The following CNTN4 variants were observed in gnomAD, a reference collection of about 807,000 sequenced individuals.
The protein encoded by CNTN4 is contactin 4, also known as contactin-4.
In CNTN4, 77 loss-of-function variants were observed where a neutral mutation model predicts 122.5. The ratio of observed to expected loss-of-function variants is 0.63; its 90% CI spans 0.52 to 0.76. The LOEUF is 0.76. Ranked by LOEUF, CNTN4 falls within the 30% of genes least tolerant of loss-of-function variation. The pLI, the probability that CNTN4 is intolerant of heterozygous loss-of-function variation, is 0.00. For synonymous variants in CNTN4, 512 were observed against 447.0 expected (o/e 1.15, Z -1.83); for missense variants, 1,256 against 1,259.1 (o/e 1.00, Z 0.04).
chr3:2,344,256 C>T (rs1206329422), intron 3 of CNTN4, among the ~76,000 whole-genome samples: 3 of 151,736 alleles, frequency 2.0e-5, no homozygotes, highest in African/African-American at 7.3e-5. Flanking sequence ...GACCTGACTG[C>T]CAAGGCCAAA....
chr3:2,384,664 G>C (rs1273682281), intron 3 of CNTN4, among the ~76,000 whole-genome samples: 1 of 151,926 alleles, frequency 6.6e-6, no homozygotes, highest in Non-Finnish European at 1.5e-5. Flanking sequence ...ACCTGAATAG[G>C]ACTCTCACAT....
chr3:2,141,289 C>T (rs2034982650), intron 2 of CNTN4, among the ~76,000 whole-genome samples: 1 of 152,098 alleles, frequency 6.6e-6, no homozygotes, highest in South Asian at 2.1e-4. Flanking sequence ...TCTGGATTAT[C>T]CTAGTGGACC....
chr3:2,277,386 A>G (rs1242374657), intron 2 of CNTN4, among the ~76,000 whole-genome samples: 2 of 152,286 alleles, frequency 1.3e-5, no homozygotes, highest in Non-Finnish European at 2.9e-5. Flanking sequence ...ACTGTTGCTT[A>G]GTTTTAAATA....
intron 3 of CNTN4, among the ~76,000 whole-genome samples, chr3:2,473,941 G>A (rs2075766706): frequency 6.6e-6 from 1 of 151,824 alleles, no homozygotes; most frequent in South Asian, 2.1e-4. Context: ...GAACTCGGGG[G>A]AGGCGAAGGT....
intron 2 of CNTN4, among the ~76,000 whole-genome samples, chr3:2,148,933 C>T (rs1013346186): frequency 1.5e-5 from 2 of 135,138 alleles, no homozygotes; most frequent in African/African-American, 5.8e-5. Context: ...CATCCCCTTA[C>T]TACCGTGACT....
rs1480859578 is a variant in CNTN4, at chr3:2,841,755, A to C, written c.454+22174A>C. Among the ~76,000 whole-genome samples the C allele has an allele frequency of 6.6e-6, 1 of 152,236 alleles. No homozygotes were observed. The highest frequency in any genetic ancestry group is 1.5e-5 in the Non-Finnish European group (1 of 68,048). On this transcript the variant is annotated intron_variant, in intron 7 of 24. Transcript: ENST00000418658. The surrounding 1 kb of genome is among the most constrained non-coding windows in gnomAD (Gnocchi z 4.8). Reference sequence around the variant, plus strand: ...AAAAATATGTTTCACTCATGATAACATGATCATTTTCAGGAATTTTATTCT... The same window carrying C: ...AAAAATATGTTTCACTCATGATAACCTGATCATTTTCAGGAATTTTATTCT...
intron 23 of CNTN4, among the ~76,000 whole-genome samples, chr3:3,048,770 C>T (rs113036631): frequency 5.2e-4 from 79 of 152,300 alleles, no homozygotes; most frequent in African/African-American, 1.8e-3. Flanking sequence ...CTCCCAAATA[C>T]TGAACATGTT....
chr3:2,651,308 C>T (rs2083348431), intron 4 of CNTN4, among the ~76,000 whole-genome samples: 1 of 152,128 alleles, frequency 6.6e-6, no homozygotes, highest in Non-Finnish European at 1.5e-5. Context: ...CCTTTGTGCT[C>T]CCGATGATCC....
intron 4 of CNTN4, among the ~76,000 whole-genome samples, chr3:2,638,628 A>G (rs2150097755): frequency 6.6e-6 from 1 of 152,270 alleles, no homozygotes; most frequent in Admixed American, 6.5e-5. Flanking sequence ...GAATTTCTTT[A>G]TATGAAAACT....
intron 3 of CNTN4, among the ~76,000 whole-genome samples, chr3:2,450,871 C>G (rs1443868424): frequency 6.6e-6 from 1 of 152,204 alleles, no homozygotes; most frequent in Admixed American, 6.5e-5. Context: ...CAGACCCTGT[C>G]CTCTCTGCTT....
chr3:2,646,816 AT>A (rs2083144823), intron 4 of CNTN4, among the ~76,000 whole-genome samples: 1 of 152,134 alleles, frequency 6.6e-6, no homozygotes, highest in Non-Finnish European at 1.5e-5. Context: ...CTCTGACTGT[AT>A]CCAAATTTCC....
intron 2 of CNTN4, among the ~76,000 whole-genome samples, chr3:2,302,764 G>T (rs776081086): frequency 6.6e-6 from 1 of 152,122 alleles, no homozygotes; most frequent in African/African-American, 2.4e-5. Context: ...TGTCCCATGT[G>T]GAAGAACATC....
rs976966314 is a variant in CNTN4, at chr3:2,468,752, C to G, written c.-88-102664C>G. 2.0e-5 allele frequency among the ~76,000 whole-genome samples: 3 copies of G among 151,454 alleles called. No individual in the cohort carries two copies. In the East Asian group the frequency reaches 5.8e-4, roughly 29 times the overall value. ...CTTCTAAGTATCTTCGCCTTTAGTT[C>G]TCATGCATCTCAAGGTATGGTCTCA... is the stretch of plus-strand genomic sequence containing the variant. On this transcript the variant is annotated intron_variant, in intron 3 of 24. Transcript: ENST00000418658.
In CNTN4 at chr3:2,917,282, C is replaced by G. The variant is rs374213406; in HGVS notation, c.1208-8347C>G. On this transcript the variant is annotated intron_variant, in intron 12 of 24. Transcript: ENST00000418658. ...TCCAGCTTCGGCATCAGAGGGAGAC[C>G]GTGGAAAGCGGGAGGCGGAGACGAG... Among the ~76,000 whole-genome samples, 1,307 of 150,490 alleles carry G rather than the reference C, an allele frequency of 8.7e-3. 19 individuals are homozygous for G. Among genetic ancestry groups the G allele is most frequent in the African/African-American group, 0.031 (1,239 of 40,110 alleles).
chr3:2,280,566 T>C (rs1027762501), intron 2 of CNTN4, among the ~76,000 whole-genome samples: 1 of 152,198 alleles, frequency 6.6e-6, no homozygotes, highest in Non-Finnish European at 1.5e-5. Flanking sequence ...GAAACCATGC[T>C]CTTGACCAAT....
chr3:2,601,563 A>T, intron 4 of CNTN4, among the ~76,000 whole-genome samples: 1 of 152,082 alleles, frequency 6.6e-6, no homozygotes, highest in East Asian at 1.9e-4. Context: ...CCATTGGTCT[A>T]TATCTCTGTT....
At chr3:2,978,212 C>G (rs1693610268) in intron 13 of CNTN4, among the ~76,000 whole-genome samples, 2 of 152,298 alleles carry the variant, frequency 1.3e-5, no homozygotes, top group Admixed American at 6.5e-5. Flanking sequence ...CCCATCGTCC[C>G]CTCCCACTGC....
chr3:2,819,437 T>A, intron 6 of CNTN4, 49 bp from the exon 7 acceptor site: 1 of 1,390,152 alleles, frequency 7.2e-7, no homozygotes, highest in Admixed American at 1.7e-5. Flanking sequence ...TCCCTTGATA[T>A]CTTAGGACTT....
chr3:2,720,456 C>G (rs901218580), intron 4 of CNTN4, among the ~76,000 whole-genome samples: 3 of 152,090 alleles, frequency 2.0e-5, no homozygotes, highest in Non-Finnish European at 4.4e-5. Context: ...GGGACTTACA[C>G]CTGAATTTTT....
Sources: allele counts gnomAD v4.1 joint callset (sites outside exome capture counted in the v4.1 genomes callset), GRCh38; gene constraint gnomAD v4.1.1; non-coding constraint Gnocchi (gnomAD v3.1); transcripts MANE v1.5; gene names NCBI Gene and HGNC (gene_info 2026-07-23, HGNC 2026-07-21).